The following STAT4 variants were observed in gnomAD, a reference collection of about 807,000 sequenced individuals.
The protein encoded by STAT4 is signal transducer and activator of transcription 4.
Under a neutral mutation model 110.5 loss-of-function variants are expected in STAT4, and 42 were observed. The ratio of observed to expected loss-of-function variants is 0.38; its 90% CI spans 0.30 to 0.49. The LOEUF is 0.49. Among genes scored for constraint, STAT4 ranks in the 20% least tolerant of loss-of-function variants. STAT4 has a pLI of 0.95. For missense variants in STAT4, 632 were observed against 887.9 expected, an observed-to-expected ratio of 0.71 and a Z score of 3.66; for synonymous variants, 284 against 302.2, an observed-to-expected ratio of 0.94 and a Z score of 0.63.
chr2:191,031,512 T>G lies in STAT4; in HGVS notation c.2049A>C (p.Ser683=). ...KHYSSQPCEV[S]RPTERGDKGY... The stretch of plus-strand genomic sequence containing the variant: ...CTTTGTCACCCCTTTCTGTTGGTCT[T>G]GAAACTGGAAAACAAAAAGGCACAA... Residue 683 remains serine (S), a synonymous_variant, in exon 22 of 24, where the codon TCA becomes TCC. Transcript: ENST00000392320. This position sits in a 1 kb window ranked among gnomAD's most constrained non-coding sequence, Gnocchi z 4.8. 6.2e-7 allele frequency: 1 copy of G among 1,612,686 alleles called. No homozygotes were observed. The highest frequency in any genetic ancestry group is 8.5e-7 in the Non-Finnish European group (1 of 1,179,328).
intron 3 of STAT4, among the ~76,000 whole-genome samples, chr2:191,118,847 C>T (rs148603179): frequency 1.7e-3 from 255 of 152,284 alleles, no homozygotes; most frequent in Admixed American, 3.1e-3. Flanking sequence ...CAACCTCAAA[C>T]TCTTGGGCTC....
intron 3 of STAT4, among the ~76,000 whole-genome samples, chr2:191,098,092 T>C (rs1698057357): frequency 6.6e-6 from 1 of 152,138 alleles, no homozygotes; most frequent in African/African-American, 2.4e-5. Flanking sequence ...AGAATTGCAA[T>C]CATTAAAAAG....
rs1238689229 is a variant in STAT4 at position 191,041,150 on chromosome 2, T to C, written c.1252-2A>G. ...TTCTTCAGTCACCATGTGACAGCCC[T>C]AAGGAAGAGAGAAATAAATTGTTAC... is the stretch of plus-strand genomic sequence containing the variant. On this transcript the variant is annotated splice_acceptor_variant, in intron 14 of 23. Transcript: ENST00000392320. LOFTEE classifies it high-confidence loss of function. The C allele has an allele frequency of 2.1e-6, 3 of 1,420,916 alleles. No homozygotes were observed. Among genetic ancestry groups the C allele is most frequent in the Non-Finnish European group, 1.9e-6 (2 of 1,078,702 alleles). The allele number at this position is 1,420,916 out of a possible 1,614,324, so 88.0% of individuals were successfully genotyped here. A position where few individuals can be genotyped will look rare whatever the true frequency, so the allele number is the denominator to read the frequency against.
chr2:191,069,857 T>C, intron 5 of STAT4, 86 bp from the exon 6 acceptor site: 1 of 1,044,288 alleles, frequency 9.6e-7, no homozygotes. Flanking sequence ...AAAAAACTGC[T>C]TGGTGCTTCC....
At position 191,077,377 on chromosome 2, in the gene STAT4, A is replaced by T. The variant is rs1697345363; in HGVS notation, c.274-1052T>A. On this transcript the variant is annotated intron_variant, in intron 3 of 23. Coordinates refer to ENST00000392320, the MANE Select transcript of STAT4 (RefSeq NM_003151.4). The surrounding 1 kb of genome is among the most constrained non-coding windows in gnomAD (Gnocchi z 4.1). Reference sequence around the variant, plus strand: ...AATGGATAGAACTAATCTGAACAACACTATCAATTTAGTCAATAGTATTAA... The same window carrying T: ...AATGGATAGAACTAATCTGAACAACTCTATCAATTTAGTCAATAGTATTAA... 6.6e-6 allele frequency among the ~76,000 whole-genome samples: 1 copy of T among 152,244 alleles called. No individual in the cohort carries two copies. The highest frequency in any genetic ancestry group is 2.4e-5 in the African/African-American group (1 of 41,462).
At chr2:191,114,060 C>A (rs184121480) in intron 3 of STAT4, among the ~76,000 whole-genome samples, 75 of 152,184 alleles carry the variant, frequency 4.9e-4, no homozygotes, top group Admixed American at 1.6e-3. Flanking sequence ...TTAATCTGGG[C>A]CATAATTGTT....
intron 3 of STAT4, among the ~76,000 whole-genome samples, chr2:191,089,001 GAAAAT>G (rs1444875467): frequency 2.0e-5 from 3 of 152,086 alleles, no homozygotes; most frequent in African/African-American, 7.2e-5. Context: ...GAAGATAACA[GAAAAT>G]AATCTAGATG....
intron 13 of STAT4, among the ~76,000 whole-genome samples, chr2:191,056,404 C>A (rs1367635902): frequency 2.6e-5 from 4 of 152,186 alleles, no homozygotes; most frequent in African/African-American, 9.7e-5. Context: ...TCAGAGCTTT[C>A]TAGACATGAC....
Position 191,053,055 on chromosome 2 carries a change from A to G in STAT4, c.1251+1435T>C, listed in dbSNP as rs1370382921. On this transcript the variant is annotated intron_variant, in intron 14 of 23. Transcript: ENST00000392320. This position sits in a 1 kb window ranked among gnomAD's most constrained non-coding sequence, Gnocchi z 4.5. ...AATTAAGGGAATGAAGAATTCTTGG[A>G]GGGCAAAATGGTAGGGCATTAAATC... Among the ~76,000 whole-genome samples, 1 of 152,216 alleles carries G rather than the reference A, an allele frequency of 6.6e-6. No homozygotes were observed. The highest frequency in any genetic ancestry group is 1.5e-5 in the Non-Finnish European group (1 of 68,034).
chr2:191,085,840 T>C (rs780647346), intron 3 of STAT4, among the ~76,000 whole-genome samples: 5 of 152,212 alleles, frequency 3.3e-5, no homozygotes, highest in African/African-American at 9.6e-5. Flanking sequence ...ACTGAACTAA[T>C]AGAAAATTTA....
rs1461259906 is a variant in STAT4, at chr2:191,042,761, A to G, written c.1252-1613T>C. 6.6e-6 allele frequency among the ~76,000 whole-genome samples: 1 copy of G among 150,680 alleles called. No individual in the cohort carries two copies. Among genetic ancestry groups the G allele is most frequent in the East Asian group, 2.0e-4 (1 of 5,092 alleles). ...TTGAAGTTAGGTGATGCTTAAATTCATTCATTGTATTCTCTCTTTTTTTTT... is the reference window on the plus strand; with the variant it reads ...TTGAAGTTAGGTGATGCTTAAATTCGTTCATTGTATTCTCTCTTTTTTTTT... On this transcript the variant is annotated intron_variant, in intron 14 of 23. Coordinates refer to ENST00000392320, the MANE Select transcript of STAT4 (RefSeq NM_003151.4). The surrounding 1 kb of genome is among the most constrained non-coding windows in gnomAD (Gnocchi z 4.2).
At position 191,041,090 on chromosome 2, in the gene STAT4, A is replaced by G; in HGVS notation, c.1310T>C (p.Leu437Pro). ...CTCCAAATCTATGGTCAGGCCATAG[A>G]GGCAGATCTGTGTTTCAAACGTTAT... Reference protein sequence around the residue: ...HSITFETQICLYGLTIDLETS... With the variant: ...HSITFETQICPYGLTIDLETS... The change falls in exon 15 of 24, where the codon CTC (leucine) becomes CCC (proline). Residue 437 changes from leucine (L) to proline (P), a missense_variant. Around this residue, in one of 4 missense-constraint regions of STAT4, gnomAD observed 488 missense variants for 632.8 expected, o/e 0.77. Coordinates refer to ENST00000392320, the MANE Select transcript of STAT4 (RefSeq NM_003151.4). 1 of 1,497,534 alleles carries G rather than the reference A, an allele frequency of 6.7e-7. No individual in the cohort carries two copies. Among genetic ancestry groups the G allele is most frequent in the Admixed American group, 2.1e-5 (1 of 47,420 alleles). 92.8% of individuals were successfully genotyped at this position (1,497,534 alleles called of 1,614,324 possible).
intron 3 of STAT4, among the ~76,000 whole-genome samples, chr2:191,114,100 T>C (rs1199819402): frequency 1.3e-5 from 2 of 152,196 alleles, no homozygotes; most frequent in Non-Finnish European, 2.9e-5. Context: ...TTAGACTTAG[T>C]GTATCTACCT....
At chr2:191,106,492 T>C (rs533157529) in intron 3 of STAT4, among the ~76,000 whole-genome samples, 1 of 151,668 alleles carries the variant, frequency 6.6e-6, no homozygotes, top group African/African-American at 2.4e-5. Flanking sequence ...TCGTCTCTAC[T>C]AAAAATACAA....
rs975760651 is a variant in STAT4 at position 191,073,267 on chromosome 2, C to T, written c.373-77G>A. 7.5e-6 allele frequency: 9 copies of T among 1,193,202 alleles called. No homozygotes were observed. The African/African-American group carries it at 7.6e-5, about 10-fold the overall frequency. 73.9% of individuals were successfully genotyped at this position (1,193,202 alleles called of 1,614,324 possible). ...AATGCAATACATACCGCATACAATT[C>T]GACCTGAGGTCTGGATCAATGTGAT... On this transcript the variant is annotated intron_variant, in intron 4 of 23. Transcript: ENST00000392320.
In STAT4 at chr2:191,082,648, T is replaced by G. The variant is rs1488653719; in HGVS notation, c.274-6323A>C. Among the ~76,000 whole-genome samples the G allele has an allele frequency of 6.6e-6, 1 of 152,268 alleles. No homozygotes were observed. Among genetic ancestry groups the G allele is most frequent in the African/African-American group, 2.4e-5 (1 of 41,474 alleles). On this transcript the variant is annotated intron_variant, in intron 3 of 23. Transcript: ENST00000392320. This position sits in a 1 kb window ranked among gnomAD's most constrained non-coding sequence, Gnocchi z 4.7. ...TTTTTGCTACTTTATGCTAAATTTC[T>G]TGGCTTTCCTTCAAATTCCCCTTCC...
At chr2:191,136,005 G>GAAAA (rs745380203) in intron 3 of STAT4, among the ~76,000 whole-genome samples, 1 of 79,762 alleles carries the variant, frequency 1.3e-5, no homozygotes, top group Non-Finnish European at 2.4e-5. Flanking sequence ...CAGCATCTCA[G>GAAAA]AAAAAAAAAA....
At position 191,143,418 on chromosome 2, in the gene STAT4, C is replaced by T. The variant is rs182149365; in HGVS notation, c.273+3195G>A. On this transcript the variant is annotated intron_variant, in intron 3 of 23. Transcript: ENST00000392320. The surrounding 1 kb of genome is among the most constrained non-coding windows in gnomAD (Gnocchi z 5.6). The stretch of plus-strand genomic sequence containing the variant: ...AGTGGCAGGGCCAGGATTCAAGTAA[C>T]CCTTGCTCCTGGGTGTGAGTCTGCC... 3.3e-5 allele frequency among the ~76,000 whole-genome samples: 5 copies of T among 152,238 alleles called. No individual in the cohort carries two copies. In the East Asian group the frequency reaches 7.7e-4, roughly 24 times the overall value.
intron 3 of STAT4, among the ~76,000 whole-genome samples, chr2:191,105,678 A>T (rs1457632078): frequency 2.6e-5 from 4 of 152,364 alleles, no homozygotes; most frequent in Non-Finnish European, 5.9e-5. Flanking sequence ...TTAAAAATTT[A>T]AAATCAGGAT....
Sources: gnomAD v4.1 joint callset for allele counts (sites outside exome capture counted in the v4.1 genomes callset) on GRCh38, gnomAD v4.1.1 for gene constraint, gnomAD v4.1.1 regional missense constraint, Gnocchi (gnomAD v3.1) non-coding constraint, MANE v1.5 for transcripts, NCBI Gene and HGNC (gene_info 2026-07-23, HGNC 2026-07-21) for gene names.